METTL21C: variants seen among roughly 807,000 people sequenced by gnomAD.
METTL21C encodes methyltransferase 21C, AARS1 lysine.
In METTL21C, 21 loss-of-function variants were observed where a neutral mutation model predicts 25.9. The observed-to-expected ratio is 0.81, with a 90% CI of 0.58 to 1.17. The LOEUF is 1.17. Among genes scored for constraint, METTL21C ranks in the 50% most tolerant of loss-of-function variants. The pLI is 0.00. For missense variants in METTL21C, 312 were observed against 315.1 expected, an observed-to-expected ratio of 0.99 and a Z score of 0.07; for synonymous variants, 125 against 124.7, an observed-to-expected ratio of 1.00 and a Z score of -0.01.
chr13:102,690,406 G>C (rs1163736807), intron 2 of METTL21C, among the ~76,000 whole-genome samples: 1 of 149,886 alleles, frequency 6.7e-6, no homozygotes. Flanking sequence ...GGGTAACAGA[G>C]TGAGACTCCA....
At chr13:102,701,500 C>T in the METTL21C span, among the ~76,000 whole-genome samples, 1 of 152,214 alleles carries the variant, frequency 6.6e-6, no homozygotes, top group African/African-American at 2.4e-5. Flanking sequence ...TCACGGACAA[C>T]CACTGCCCCT....
upstream of METTL21C, among the ~76,000 whole-genome samples, chr13:102,700,003 G>C (rs969962543): frequency 4.6e-5 from 7 of 152,322 alleles, no homozygotes; most frequent in Non-Finnish European, 1.0e-4. Flanking sequence ...CTCAGGTACA[G>C]TGTCAAATCT....
rs761211998 is a variant in METTL21C at position 102,694,892 on chromosome 13, T to TCACACACACACA, written c.-395_-394insTGTGTGTGTGTG. On this transcript the variant is annotated 5_prime_UTR_variant, in exon 1 of 4. Transcript: ENST00000267273. ...CTCTCTTTCTCTCTCTCTCTCTCTC[T>TCACACACACACA]CTCTCTCTCACACACACACACACAC... 1.4e-5 allele frequency among the ~76,000 whole-genome samples: 2 copies of TCACACACACACA among 142,378 alleles called. No individual in the cohort carries two copies. Among genetic ancestry groups the TCACACACACACA allele is most frequent in the African/African-American group, 5.3e-5 (2 of 37,760 alleles). 93.4% of individuals were successfully genotyped at this position (142,378 alleles called of 152,430 possible).
Position 102,694,494 on chromosome 13 carries a change from TC to T in METTL21C, c.4del (p.Asp2ThrfsTer4). Reference protein sequence around the residue: MDVCLSSAQQPG... With the variant: MXVCLSSAQQPG... ...CTGCTGCGCGGAGCTCAGACACACGTCCATAGCCGGCTGTCCCAAAGACAGC... is the reference window on the plus strand; with the variant it reads ...CTGCTGCGCGGAGCTCAGACACACGTCATAGCCGGCTGTCCCAAAGACAGC... On this transcript the variant is annotated frameshift_variant, in exon 1 of 4. Transcript: ENST00000267273. LOFTEE classifies it high-confidence loss of function. The T allele has an allele frequency of 8.1e-7, 1 of 1,237,332 alleles. No individual in the cohort carries two copies. Among genetic ancestry groups the T allele is most frequent in the Non-Finnish European group, 1.0e-6 (1 of 962,436 alleles). The allele number at this position is 1,237,332 out of a possible 1,614,324, so 76.6% of individuals were successfully genotyped here. A position where few individuals can be genotyped will look rare whatever the true frequency, so the allele number is the denominator to read the frequency against.
chr13:102,688,075 C>A (rs1762832820), intron 2 of METTL21C, among the ~76,000 whole-genome samples: 2 of 152,180 alleles, frequency 1.3e-5, no homozygotes, highest in Non-Finnish European at 2.9e-5. Context: ...AACGTGAACA[C>A]TGAGATTTAA....
At chr13:102,698,179 T>C (rs1056084774), upstream of METTL21C, among the ~76,000 whole-genome samples, 10 of 152,200 alleles carry the variant, frequency 6.6e-5, no homozygotes, top group Non-Finnish European at 1.2e-4. Context: ...TATTATCTTG[T>C]ATGTTGTTCA....
Position 102,686,246 on chromosome 13 carries a change from C to T in METTL21C, c.580G>A (p.Asp194Asn), listed in dbSNP as rs1046952560. The change falls in exon 4 of 4, where the codon GAT (aspartate) becomes AAT (asparagine). Residue 194 changes from aspartate to asparagine, a missense_variant. Transcript: ENST00000267273. Reference sequence around the variant, plus strand: ...AGGAAGTAGTGATGGTAGACCACATCTGAGGCTAGGACGTAATCATAGTAA... The same window carrying T: ...AGGAAGTAGTGATGGTAGACCACATTTGAGGCTAGGACGTAATCATAGTAA... ...AFYYDYVLAS[D>N]VVYHHYFLDK... The T allele has an allele frequency of 6.2e-7, 1 of 1,614,090 alleles. No individual in the cohort carries two copies. Among genetic ancestry groups the T allele is most frequent in the Non-Finnish European group, 8.5e-7 (1 of 1,180,034 alleles).
intron 2 of METTL21C, among the ~76,000 whole-genome samples, chr13:102,689,117 A>T (rs778500976): frequency 6.6e-5 from 10 of 151,842 alleles, no homozygotes; most frequent in Non-Finnish European, 1.5e-4. Context: ...TAAAAGGGAG[A>T]TGGGGTCTCA....
At chr13:102,695,400 A>C (rs1885931679), upstream of METTL21C, among the ~76,000 whole-genome samples, 1 of 152,196 alleles carries the variant, frequency 6.6e-6, no homozygotes, top group Non-Finnish European at 1.5e-5. Context: ...AAAGGGAAGG[A>C]GAAAAATCAT....
At chr13:102,697,704 G>A (rs550949110), upstream of METTL21C, among the ~76,000 whole-genome samples, 1 of 151,672 alleles carries the variant, frequency 6.6e-6, no homozygotes, top group African/African-American at 2.4e-5. Context: ...ACTTAGTCTG[G>A]TTTCTCGATG....
intron 1 of METTL21C, 98 bp from the exon 2 acceptor site, chr13:102,691,062 C>T: frequency 2.2e-6 from 3 of 1,352,058 alleles, no homozygotes; most frequent in Non-Finnish European, 3.1e-6. Context: ...GATTGAATGA[C>T]CTTTACATAA....
intron 2 of METTL21C, among the ~76,000 whole-genome samples, chr13:102,690,596 C>T (rs988070919): frequency 2.0e-5 from 3 of 151,920 alleles, no homozygotes; most frequent in East Asian, 1.9e-4. Flanking sequence ...AATAATGTTT[C>T]GAGAAACAGA....
upstream of METTL21C, among the ~76,000 whole-genome samples, chr13:102,698,240 C>A (rs887512371): frequency 1.3e-5 from 2 of 152,076 alleles, no homozygotes; most frequent in Admixed American, 6.6e-5. Flanking sequence ...GGATCACTCA[C>A]CTAATCATAT....
chr13:102,696,092 T>A (rs1465526428), upstream of METTL21C, among the ~76,000 whole-genome samples: 6 of 152,094 alleles, frequency 3.9e-5, no homozygotes, highest in East Asian at 9.6e-4. Context: ...CTAGGCTTAT[T>A]TTTTTTGTAT....
At chr13:102,690,252 C>A (rs1250608674) in intron 2 of METTL21C, among the ~76,000 whole-genome samples, 1 of 152,028 alleles carries the variant, frequency 6.6e-6, no homozygotes, top group Non-Finnish European at 1.5e-5. Context: ...GAAACCCTAT[C>A]TCTACTAAAA....
chr13:102,686,814 T>G, intron 3 of METTL21C, 126 bp downstream of exon 3: 1 of 710,398 alleles, frequency 1.4e-6, no homozygotes, highest in Non-Finnish European at 2.5e-6. Flanking sequence ...CCGCATGACA[T>G]TTTGGGGAGA....
chr13:102,690,994 A>C (rs1336806523), intron 1 of METTL21C, 30 bp from the exon 2 acceptor site: 30 of 1,611,578 alleles, frequency 1.9e-5, no homozygotes, highest in Non-Finnish European at 2.4e-5. Flanking sequence ...AATGGAGTTC[A>C]TGATTTGTTC....
intron 1 of METTL21C, among the ~76,000 whole-genome samples, chr13:102,692,307 G>T (rs7990491): frequency 6.6e-6 from 1 of 152,094 alleles, no homozygotes; most frequent in South Asian, 2.1e-4. Context: ...CAGGGCCTCC[G>T]GGTGTTTCAG....
At chr13:102,695,490 A>G (rs1885932973), upstream of METTL21C, among the ~76,000 whole-genome samples, 1 of 152,220 alleles carries the variant, frequency 6.6e-6, no homozygotes, top group Non-Finnish European at 1.5e-5. Context: ...ATGGGAATTA[A>G]AGAATCACTT....
Sources: gnomAD v4.1 joint callset for allele counts (sites outside exome capture counted in the v4.1 genomes callset) on GRCh38, gnomAD v4.1.1 for gene constraint, MANE v1.5 for transcripts, NCBI Gene and HGNC (gene_info 2026-07-23, HGNC 2026-07-21) for gene names.